Variants in ARL15 observed in about 807,000 individuals in gnomAD.
ARL15 encodes the protein ARF like GTPase 15, also known as ADP-ribosylation factor-like protein 15.
In ARL15, 19 loss-of-function variants were observed where a neutral mutation model predicts 25.2. That is an observed-to-expected ratio of 0.75 (90% CI 0.53 to 1.10). The LOEUF is 1.10. ARL15 is among the 50% of genes least tolerant of loss of function. The probability of loss-of-function intolerance (pLI) is 0.00; values close to 1 mark genes in which losing one functional copy is unlikely to be tolerated. For missense variants in ARL15, 220 were observed against 246.0 expected, an observed-to-expected ratio of 0.89 and a Z score of 0.71; for synonymous variants, 94 against 86.8, an observed-to-expected ratio of 1.08 and a Z score of -0.46.
At chr5:53,944,419 T>C (rs895631055) in intron 4 of ARL15, among the ~76,000 whole-genome samples, 1 of 152,088 alleles carries the variant, frequency 6.6e-6, no homozygotes, top group African/African-American at 2.4e-5. Flanking sequence ...GAGACCATCC[T>C]GGGCAACACG....
At chr5:54,081,811 G>C (rs368798388) in intron 4 of ARL15, among the ~76,000 whole-genome samples, 18 of 152,070 alleles carry the variant, frequency 1.2e-4, no homozygotes, top group Admixed American at 2.6e-4. Flanking sequence ...ATGAAAACAG[G>C]CTAGGTATGG....
intron 4 of ARL15, among the ~76,000 whole-genome samples, chr5:54,055,540 T>G (rs977553457): frequency 2.0e-5 from 3 of 152,016 alleles, no homozygotes; most frequent in African/African-American, 7.2e-5. Flanking sequence ...TTTGTATTTT[T>G]AGTAGAGACG....
intron 1 of ARL15, among the ~76,000 whole-genome samples, chr5:54,258,035 T>G (rs1317656904): frequency 6.6e-6 from 1 of 151,954 alleles, no homozygotes; most frequent in Non-Finnish European, 1.5e-5. Context: ...ACTTTATAAA[T>G]CAACCCATCC....
chr5:54,162,064 TCTGGAC>T (rs1252019893), intron 2 of ARL15, among the ~76,000 whole-genome samples: 1 of 151,140 alleles, frequency 6.6e-6, no homozygotes, highest in African/African-American at 2.4e-5. Flanking sequence ...CCAAAAGAAT[TCTGGAC>T]CTGGGCAGTA....
chr5:54,180,165 TTA>T lies in ARL15; in HGVS notation c.49-8239_49-8238del, dbSNP rs531007136. 1.5e-3 allele frequency among the ~76,000 whole-genome samples: 231 copies of T among 152,162 alleles called. 1 individual carries two copies. Among genetic ancestry groups the T allele is most frequent in the Middle Eastern group, 3.4e-3 (1 of 294 alleles). On this transcript the variant is annotated intron_variant, in intron 1 of 4. Coordinates refer to ENST00000504924, the MANE Select transcript of ARL15 (RefSeq NM_019087.3). ...ACCTTAAAATATATGTGTATGTAAA[TTA>T]TATCTCAATAAAGTAAAATAAATAA...
At chr5:54,035,234 T>G (rs1750132435) in intron 4 of ARL15, among the ~76,000 whole-genome samples, 1 of 152,156 alleles carries the variant, frequency 6.6e-6, no homozygotes, top group African/African-American at 2.4e-5. Flanking sequence ...TTTGTTAAAC[T>G]CACATTAAGA....
chr5:54,232,204 C>G (rs1756690539), intron 1 of ARL15, among the ~76,000 whole-genome samples: 1 of 152,184 alleles, frequency 6.6e-6, no homozygotes, highest in Admixed American at 6.5e-5. Context: ...ATTAGAGGCC[C>G]TCACCAAATG....
At chr5:54,087,227 C>T (rs1370202208) in intron 4 of ARL15, among the ~76,000 whole-genome samples, 1 of 151,952 alleles carries the variant, frequency 6.6e-6, no homozygotes, top group African/African-American at 2.4e-5. Context: ...ACTCGGGAGG[C>T]TCAGGCATGA....
chr5:54,254,307 C>T (rs1438644072), intron 1 of ARL15, among the ~76,000 whole-genome samples: 1 of 152,130 alleles, frequency 6.6e-6, no homozygotes, highest in Non-Finnish European at 1.5e-5. Context: ...TGCTATATAG[C>T]TTGTCTACAC....
chr5:53,914,149 TCTCA>T lies in ARL15; in HGVS notation c.463-27440_463-27437del, dbSNP rs1383236264. On this transcript the variant is annotated intron_variant, in intron 4 of 4. Transcript: ENST00000504924. ...CAAGTGCACAGGCCCACACACACAC[TCTCA>T]CACACACACACACTTTATAGTTCTG... Among the ~76,000 whole-genome samples, 4 of 150,610 alleles carry T rather than the reference TCTCA, an allele frequency of 2.7e-5. No individual in the cohort carries two copies. The South Asian group carries it at 6.3e-4, about 24-fold the overall frequency.
intron 1 of ARL15, among the ~76,000 whole-genome samples, chr5:54,241,472 TTA>T (rs1756955505): frequency 6.6e-6 from 1 of 152,178 alleles, no homozygotes; most frequent in South Asian, 2.1e-4. Context: ...ATAGAGATAA[TTA>T]TAGTTACTCA....
chr5:54,188,665 C>G (rs750960042), intron 1 of ARL15, among the ~76,000 whole-genome samples: 5 of 152,158 alleles, frequency 3.3e-5, no homozygotes, highest in Admixed American at 6.5e-5. Context: ...CAGAAAAATG[C>G]AAGAATTCTC....
chr5:54,094,884 T>C (rs1008464993), intron 4 of ARL15, among the ~76,000 whole-genome samples: 5 of 152,202 alleles, frequency 3.3e-5, no homozygotes, highest in African/African-American at 1.2e-4. Flanking sequence ...AAAACAAAGA[T>C]ACCTGCCCAA....
At chr5:54,261,564 AG>A (rs1757497932) in intron 1 of ARL15, among the ~76,000 whole-genome samples, 3 of 150,694 alleles carry the variant, frequency 2.0e-5, no homozygotes, top group Non-Finnish European at 4.5e-5. Flanking sequence ...AAAAAAAAAA[AG>A]AGAGAACTTC....
intron 3 of ARL15, among the ~76,000 whole-genome samples, chr5:54,141,147 T>TA (rs3836815): frequency 0.052 from 7,865 of 151,712 alleles, 275 homozygotes; most frequent in East Asian, 0.14. Flanking sequence ...GAATCTGTCA[T>TA]TTTTTTTTAT....
intron 4 of ARL15, among the ~76,000 whole-genome samples, chr5:53,903,469 A>T (rs1403796685): frequency 6.6e-6 from 1 of 152,150 alleles, no homozygotes; most frequent in Non-Finnish European, 1.5e-5. Flanking sequence ...ACATCCTCCA[A>T]TGCATAGGGC....
chr5:53,961,815 GTATGTC>G (rs1424846657), intron 4 of ARL15, among the ~76,000 whole-genome samples: 1 of 152,126 alleles, frequency 6.6e-6, no homozygotes, highest in African/African-American at 2.4e-5. Context: ...TTAATTTAAT[GTATGTC>G]TATAATATAC....
intron 1 of ARL15, among the ~76,000 whole-genome samples, chr5:54,211,573 C>A (rs570874045): frequency 2.0e-5 from 3 of 146,994 alleles, no homozygotes; most frequent in Non-Finnish European, 3.0e-5. Flanking sequence ...CAGGTTCAAG[C>A]GATTCTCCTG....
At chr5:54,097,296 ACAGAGTGAGACTCCATCT>A (rs66952552) in intron 4 of ARL15, among the ~76,000 whole-genome samples, 129,566 of 152,038 alleles carry the variant, frequency 0.85, 55,326 homozygotes, top group East Asian at 0.98. Flanking sequence ...CAGCCTGGTG[ACAGAGTGAGACTCCATCT>A]CAAAAAACAA....
Sources: gnomAD v4.1 joint callset for allele counts (sites outside exome capture counted in the v4.1 genomes callset) on GRCh38, gnomAD v4.1.1 for gene constraint, MANE v1.5 for transcripts, NCBI Gene and HGNC (gene_info 2026-07-23, HGNC 2026-07-21) for gene names.